Variants in DYNC1I1 observed in about 807,000 individuals in gnomAD.
DYNC1I1 encodes the protein cytoplasmic dynein 1 intermediate chain 1.
Under a neutral mutation model 86.6 loss-of-function variants are expected in DYNC1I1, and 43 were observed. The ratio of observed to expected loss-of-function variants is 0.50; its 90% CI spans 0.39 to 0.64. The LOEUF (loss-of-function observed/expected upper bound fraction) is 0.64. Ranked by LOEUF, DYNC1I1 falls within the 30% of genes least tolerant of loss-of-function variation. The pLI is 0.00. For synonymous variants in DYNC1I1, 262 were observed against 283.7 expected (o/e 0.92, Z 0.77); for missense variants, 604 against 788.8 (o/e 0.77, Z 2.81).
intron 3 of DYNC1I1, 154 bp from the exon 4 acceptor site, chr7:95,813,093 C>CTT (rs11452827): frequency 0.036 from 40,131 of 1,105,056 alleles, 327 homozygotes; most frequent in African/African-American, 0.1. Flanking sequence ...CTTTTCTTTC[C>CTT]TTTTTTTTTT....
intron 1 of DYNC1I1, among the ~76,000 whole-genome samples, chr7:95,788,779 G>T (rs1003751854): frequency 6.6e-6 from 1 of 152,124 alleles, no homozygotes; most frequent in Non-Finnish European, 1.5e-5. Context: ...GCTGTGATTG[G>T]GTGGGAAAGG....
At chr7:95,921,689 G>A (rs956845294) in intron 6 of DYNC1I1, among the ~76,000 whole-genome samples, 5 of 152,100 alleles carry the variant, frequency 3.3e-5, no homozygotes, top group African/African-American at 1.2e-4. Flanking sequence ...ATTTATGAGC[G>A]TGTTGACTGA....
chr7:95,952,211 T>G (rs567894101), intron 6 of DYNC1I1, among the ~76,000 whole-genome samples: 1 of 152,146 alleles, frequency 6.6e-6, no homozygotes, highest in South Asian at 2.1e-4. Context: ...CAGCCAGTCC[T>G]TCCCGCCCCA....
At chr7:95,812,865 A>G (rs1794860539) in intron 3 of DYNC1I1, among the ~76,000 whole-genome samples, 2 of 152,136 alleles carry the variant, frequency 1.3e-5, no homozygotes, top group African/African-American at 4.8e-5. Context: ...TTTATTTTTA[A>G]TAGGTCACAT....
intron 11 of DYNC1I1, among the ~76,000 whole-genome samples, chr7:96,031,671 A>T (rs1299310986): frequency 2.0e-5 from 3 of 152,188 alleles, no homozygotes; most frequent in African/African-American, 7.2e-5. Context: ...GCAACTTTCC[A>T]ATATTAAATA....
At chr7:95,813,155 G>T (rs1794868489) in intron 3 of DYNC1I1, 92 bp from the exon 4 acceptor site, 1 of 1,596,500 alleles carries the variant, frequency 6.3e-7, no homozygotes. Flanking sequence ...CTTTAATTTG[G>T]GCCCATTTGT....
intron 1 of DYNC1I1, among the ~76,000 whole-genome samples, chr7:95,777,615 G>T (rs926883023): frequency 2.0e-5 from 3 of 152,124 alleles, no homozygotes; most frequent in African/African-American, 7.2e-5. Flanking sequence ...CTATATTCTT[G>T]CTATGATCGC....
intron 6 of DYNC1I1, among the ~76,000 whole-genome samples, chr7:95,968,824 CTGTGTGTG>C (rs56022930): frequency 0.037 from 3,458 of 94,362 alleles, 86 homozygotes; most frequent in African/African-American, 0.082. Context: ...ATTTTTTGCT[CTGTGTGTG>C]TGTGTGTGTG....
chr7:95,956,446 C>T (rs1162715794), intron 6 of DYNC1I1, among the ~76,000 whole-genome samples: 1 of 148,518 alleles, frequency 6.7e-6, no homozygotes, highest in Non-Finnish European at 1.5e-5. Context: ...AAGTTTGTTA[C>T]ATAGGTATAC....
intron 12 of DYNC1I1, 139 bp from the exon 13 acceptor site, chr7:96,035,480 T>A (rs1311596388): frequency 3.5e-6 from 4 of 1,152,830 alleles, no homozygotes; most frequent in Admixed American, 3.6e-5. Context: ...CAGTAAAGCA[T>A]GGTTTCTGGC....
chr7:95,799,628 A>G (rs1367871472), intron 1 of DYNC1I1, among the ~76,000 whole-genome samples: 1 of 151,296 alleles, frequency 6.6e-6, no homozygotes, highest in Admixed American at 6.6e-5. Context: ...ACTACACTTA[A>G]TTTTTTAAAA....
intron 14 of DYNC1I1, among the ~76,000 whole-genome samples, chr7:96,041,365 T>C (rs1789045335): frequency 6.6e-6 from 1 of 152,220 alleles, no homozygotes; most frequent in African/African-American, 2.4e-5. Context: ...TTCTCATACA[T>C]TTCCATTGGA....
chr7:96,043,220 T>C (rs1337617067), intron 14 of DYNC1I1, among the ~76,000 whole-genome samples: 2 of 145,978 alleles, frequency 1.4e-5, no homozygotes, highest in Non-Finnish European at 3.0e-5. Context: ...AATTTGAAAA[T>C]CACCATTTTG....
intron 6 of DYNC1I1, among the ~76,000 whole-genome samples, chr7:95,881,672 A>G (rs1584122663): frequency 6.6e-6 from 1 of 152,310 alleles, no homozygotes; most frequent in South Asian, 2.1e-4. Flanking sequence ...GGCTCAAGCT[A>G]ATTATTTTTC....
chr7:95,974,425 T>A (rs1204542956), intron 6 of DYNC1I1, among the ~76,000 whole-genome samples: 1 of 152,174 alleles, frequency 6.6e-6, no homozygotes, highest in East Asian at 1.9e-4. Context: ...AAAGCAATTT[T>A]GTATTGGTTA....
intron 16 of DYNC1I1, among the ~76,000 whole-genome samples, chr7:96,108,311 G>A (rs973921954): frequency 2.6e-5 from 4 of 151,902 alleles, no homozygotes; most frequent in Admixed American, 6.6e-5. Context: ...TTTTTATAAC[G>A]TTGAGCTCAA....
intron 4 of DYNC1I1, among the ~76,000 whole-genome samples, chr7:95,814,990 G>T (rs535496357): frequency 1.3e-5 from 2 of 151,470 alleles, no homozygotes; most frequent in Non-Finnish European, 2.9e-5. Flanking sequence ...CATTTCTTGG[G>T]GGGGGTCCAT....
At chr7:95,989,125 C>T (rs946514235) in intron 9 of DYNC1I1, among the ~76,000 whole-genome samples, 3 of 152,160 alleles carry the variant, frequency 2.0e-5, no homozygotes, top group Admixed American at 2.0e-4. Flanking sequence ...TCTGGTCAGA[C>T]AGAGCTTCTC....
chr7:95,883,281 A>AT (rs1359622987), intron 6 of DYNC1I1, among the ~76,000 whole-genome samples: 1 of 152,172 alleles, frequency 6.6e-6, no homozygotes, highest in Non-Finnish European at 1.5e-5. Flanking sequence ...TTGTATTATT[A>AT]TTAGTTCTGA....
Sources: allele counts gnomAD v4.1 joint callset (sites outside exome capture counted in the v4.1 genomes callset), GRCh38; gene constraint gnomAD v4.1.1; transcripts MANE v1.5; gene names NCBI Gene and HGNC (gene_info 2026-07-23, HGNC 2026-07-21).